ITPR2: variants seen among roughly 807,000 people sequenced by gnomAD.
ITPR2 encodes inositol 1,4,5-trisphosphate receptor type 2.
In ITPR2, 207 loss-of-function variants were observed where a neutral mutation model predicts 317.1. The ratio of observed to expected loss-of-function variants is 0.65; its 90% CI spans 0.58 to 0.73. The LOEUF (loss-of-function observed/expected upper bound fraction) is 0.73, where lower values mean the gene tolerates loss of function less well. Among genes scored for constraint, ITPR2 ranks in the 30% least tolerant of loss-of-function variants. ITPR2 has a pLI of 0.00. For missense variants in ITPR2, 2,613 were observed against 3,284.0 expected (o/e 0.80, Z 4.99); for synonymous variants, 1,156 against 1,149.1 (o/e 1.01, Z -0.12).
chr12:26,515,072 T>G (rs1466725550), intron 37 of ITPR2, among the ~76,000 whole-genome samples: 1 of 152,132 alleles, frequency 6.6e-6, no homozygotes, highest in Non-Finnish European at 1.5e-5. Flanking sequence ...ACCAACAGAA[T>G]AGTGAAAAAC....
At chr12:26,398,486 T>C (rs2136646985) in intron 54 of ITPR2, among the ~76,000 whole-genome samples, 1 of 152,264 alleles carries the variant, frequency 6.6e-6, no homozygotes, top group African/African-American at 2.4e-5. Context: ...GTGATGTCAG[T>C]GAGTAGAAGT....
chr12:26,685,701 A>G (rs940702722), intron 11 of ITPR2, among the ~76,000 whole-genome samples: 1 of 152,182 alleles, frequency 6.6e-6, no homozygotes, highest in Non-Finnish European at 1.5e-5. Flanking sequence ...TTCCAATCCC[A>G]CAACCCCTCC....
At chr12:26,773,293 A>T (rs1949904110) in intron 2 of ITPR2, among the ~76,000 whole-genome samples, 1 of 152,244 alleles carries the variant, frequency 6.6e-6, no homozygotes, top group Non-Finnish European at 1.5e-5. Context: ...AGGACTTTCT[A>T]TTCTTAAATA....
In ITPR2 at chr12:26,340,192, C is replaced by G; in HGVS notation, c.7994G>C (p.Gly2665Ala). The G allele has an allele frequency of 1.2e-6, 2 of 1,606,338 alleles. No individual in the cohort carries two copies. Among genetic ancestry groups the G allele is most frequent in the Non-Finnish European group, 1.7e-6 (2 of 1,176,570 alleles). The change falls in exon 56 of 57, where the codon GGT becomes GCT. Residue 2665 changes from glycine (G) to alanine (A), a missense_variant. By Grantham distance (60) the Gly-to-Ala change is moderately conservative. Coordinates refer to ENST00000381340, the MANE Select transcript of ITPR2 (RefSeq NM_002223.4). ...CTGCTCCTTGAGCTCCGCCAGCTGA[C>G]CCGACAGCTGTTTGACCAGACTCAT... ...STMSLVKQLS[G>A]QLAELKEQMT...
At chr12:26,681,588 T>C (rs890297513) in intron 13 of ITPR2, among the ~76,000 whole-genome samples, 1 of 152,206 alleles carries the variant, frequency 6.6e-6, no homozygotes, top group Non-Finnish European at 1.5e-5. Context: ...CAAAAGGTAT[T>C]GCAAATCTCT....
At chr12:26,735,614 C>G (rs1469379781) in intron 2 of ITPR2, among the ~76,000 whole-genome samples, 1 of 152,206 alleles carries the variant, frequency 6.6e-6, no homozygotes, top group African/African-American at 2.4e-5. Flanking sequence ...CACACATATG[C>G]ACATGTGGGA....
chr12:26,671,995 G>T (rs562907429), intron 13 of ITPR2, among the ~76,000 whole-genome samples: 1 of 152,040 alleles, frequency 6.6e-6, no homozygotes, highest in East Asian at 1.9e-4. Context: ...AACAAGAAGA[G>T]CTAACTATCC....
chr12:26,580,717 T>C (rs1008561537), intron 32 of ITPR2, among the ~76,000 whole-genome samples: 11 of 152,252 alleles, frequency 7.2e-5, no homozygotes, highest in East Asian at 1.9e-4. Context: ...CATGGAAGTA[T>C]AGGTTTGCGT....
rs1362747168 is a variant in ITPR2, at chr12:26,486,257, A to G, written c.5658T>C (p.Asp1886=). Residue 1886 remains aspartate (D), a synonymous_variant, in exon 41 of 57, where the codon GAT becomes GAC. Coordinates refer to ENST00000381340, the MANE Select transcript of ITPR2 (RefSeq NM_002223.4). The part of the protein sequence containing the change: ...KAYCVYRREM[D]PEIDIMCTGP... ...CTGTGCACATAATGTCTATTTCTGG[A>G]TCCATTTCTCTTCTGTATACACAAT... 1.9e-6 allele frequency: 3 copies of G among 1,614,002 alleles called. No homozygotes were observed. Among genetic ancestry groups the G allele is most frequent in the Admixed American group, 1.7e-5 (1 of 59,998 alleles).
At position 26,478,461 on chromosome 12, in the gene ITPR2, CT is replaced by C. The variant is rs1325571322; in HGVS notation, c.6124-1455del. On this transcript the variant is annotated intron_variant, in intron 43 of 56. Transcript: ENST00000381340. ...GAACAGACCTCCATGGAATTCAAAG[CT>C]AAAACCTTGGCAACACTGACAGTGC... Among the ~76,000 whole-genome samples, 5 of 152,094 alleles carry C rather than the reference CT, an allele frequency of 3.3e-5. No individual in the cohort carries two copies. In the East Asian group the frequency reaches 9.6e-4, roughly 29 times the overall value.
At chr12:26,630,464 C>A (rs1363484756) in intron 22 of ITPR2, 1 of 151,394 alleles carries the variant, frequency 6.6e-6, no homozygotes, top group African/African-American at 2.4e-5. Context: ...AAAAGAAGAC[C>A]CAGGGGGAAG....
Position 26,681,981 on chromosome 12 carries a change from A to G in ITPR2, c.1302T>C (p.Val434=), listed in dbSNP as rs1041123702. 3 of 1,613,714 alleles carry G rather than the reference A, an allele frequency of 1.9e-6. No homozygotes were observed. The highest frequency in any genetic ancestry group is 2.7e-5 in the African/African-American group (2 of 74,916). Residue 434 remains valine, a synonymous_variant, in exon 13 of 57, where the codon GTT becomes GTC. Transcript: ENST00000381340. The part of the protein sequence containing the change: ...EDKEAFAIVS[V]PLSEVRDLDF... ...CTAAGTCTCGAACTTCAGACAGTGG[A>G]ACAGACACGATTGCGAACGCTTCTT...
At chr12:26,409,458 T>C (rs115207859) in intron 52 of ITPR2, among the ~76,000 whole-genome samples, 75 of 152,352 alleles carry the variant, frequency 4.9e-4, no homozygotes, top group African/African-American at 1.8e-3. Flanking sequence ...CATGTTCTAG[T>C]GCTTAGCACT....
intron 45 of ITPR2, among the ~76,000 whole-genome samples, chr12:26,461,883 G>A (rs148775118): frequency 6.6e-6 from 1 of 150,832 alleles, no homozygotes; most frequent in Non-Finnish European, 1.5e-5. Flanking sequence ...ATAATCACTT[G>A]GTTGTGACAG....
At chr12:26,513,657 C>T (rs893861005) in intron 37 of ITPR2, among the ~76,000 whole-genome samples, 1 of 152,050 alleles carries the variant, frequency 6.6e-6, no homozygotes, top group Admixed American at 6.6e-5. Flanking sequence ...CCAGGTTTCT[C>T]TTGTCTCAGC....
At chr12:26,794,714 A>C (rs1013300120) in intron 1 of ITPR2, among the ~76,000 whole-genome samples, 2 of 152,252 alleles carry the variant, frequency 1.3e-5, no homozygotes, top group African/African-American at 4.8e-5. Flanking sequence ...ATACTGCTCT[A>C]TATGTTTATA....
intron 9 of ITPR2, among the ~76,000 whole-genome samples, chr12:26,701,634 C>T (rs956403481): frequency 6.6e-6 from 1 of 152,150 alleles, no homozygotes; most frequent in Non-Finnish European, 1.5e-5. Context: ...GCCCTTTTCA[C>T]ATACTATGGC....
intron 26 of ITPR2, among the ~76,000 whole-genome samples, chr12:26,605,821 C>A (rs1946117186): frequency 6.6e-6 from 1 of 152,116 alleles, no homozygotes; most frequent in Non-Finnish European, 1.5e-5. Flanking sequence ...CAAACAACCC[C>A]TTTTAATTTC....
chr12:26,673,426 A>G (rs1339777822), intron 13 of ITPR2, among the ~76,000 whole-genome samples: 1 of 150,470 alleles, frequency 6.6e-6, no homozygotes, highest in African/African-American at 2.5e-5. Flanking sequence ...GCATATAAAC[A>G]GAACCAAAGA....
Sources: allele counts gnomAD v4.1 joint callset (sites outside exome capture counted in the v4.1 genomes callset), GRCh38; gene constraint gnomAD v4.1.1; transcripts MANE v1.5; gene names NCBI Gene and HGNC (gene_info 2026-07-23, HGNC 2026-07-21).